Variants in RARB observed in about 807,000 individuals in gnomAD.
RARB encodes HBV-activated protein.
In RARB, 17 loss-of-function variants were observed where a neutral mutation model predicts 51.9. The observed-to-expected ratio is 0.33, with a 90% confidence interval of 0.22 to 0.49. RARB has a LOEUF of 0.49. RARB is among the 20% of genes least tolerant of loss of function. The pLI is 0.99. For synonymous variants in RARB, 215 were observed against 195.4 expected, an observed-to-expected ratio of 1.10 and a Z score of -0.84; for missense variants, 369 against 550.8, an observed-to-expected ratio of 0.67 and a Z score of 3.30.
At chr3:25,447,861 G>A (rs1709016545) in intron 1 of RARB, among the ~76,000 whole-genome samples, 1 of 152,036 alleles carries the variant, frequency 6.6e-6, no homozygotes. Context: ...TTTTGAGAGG[G>A]AAAATGGAAG....
chr3:25,153,135 A>AGT (rs59786696), intron 4 of RARB, among the ~76,000 whole-genome samples: 1,937 of 149,370 alleles, frequency 0.013, 21 homozygotes, highest in African/African-American at 0.039. Context: ...ATAGAGGCAG[A>AGT]GTGTGTGTGT....
intron 5 of RARB, among the ~76,000 whole-genome samples, chr3:25,282,268 C>T (rs774078987): frequency 2.6e-5 from 4 of 152,200 alleles, no homozygotes; most frequent in Admixed American, 2.6e-4. Context: ...TCCCCAGTCA[C>T]ACTCCCAGTG....
At chr3:24,958,899 G>C (rs1044845038) in intron 2 of RARB, among the ~76,000 whole-genome samples, 3 of 152,174 alleles carry the variant, frequency 2.0e-5, no homozygotes, top group East Asian at 3.9e-4. Context: ...CCTCATGACA[G>C]GAGTGCCTTG....
intron 2 of RARB, among the ~76,000 whole-genome samples, chr3:24,971,908 C>A (rs1438656972): frequency 1.3e-5 from 2 of 151,916 alleles, no homozygotes; most frequent in Non-Finnish European, 2.9e-5. Flanking sequence ...AATGGATGTA[C>A]ATATTTTTGG....
At chr3:24,874,565 G>T (rs555690630) in intron 2 of RARB, among the ~76,000 whole-genome samples, 2 of 152,034 alleles carry the variant, frequency 1.3e-5, no homozygotes, top group East Asian at 1.9e-4. Context: ...TCTCTGTATT[G>T]CTAGTCATGC....
chr3:24,944,905 T>G (rs2125402226), intron 2 of RARB, among the ~76,000 whole-genome samples: 1 of 152,148 alleles, frequency 6.6e-6, no homozygotes, highest in Non-Finnish European at 1.5e-5. Flanking sequence ...CCATTGAAGG[T>G]TCAGTAACAT....
intron 3 of RARB, among the ~76,000 whole-genome samples, chr3:25,090,983 T>C (rs1699187987): frequency 6.6e-6 from 1 of 152,122 alleles, no homozygotes. Flanking sequence ...AAAGCTGAAG[T>C]AGGTTAAAGG....
chr3:25,130,524 T>C (rs1285804646), intron 3 of RARB, among the ~76,000 whole-genome samples: 3 of 151,974 alleles, frequency 2.0e-5, no homozygotes, highest in African/African-American at 7.2e-5. Context: ...TGGACCACCT[T>C]GTATTTACTC....
At chr3:25,255,755 C>T (rs1214382484) in intron 5 of RARB, among the ~76,000 whole-genome samples, 1 of 152,100 alleles carries the variant, frequency 6.6e-6, no homozygotes, top group African/African-American at 2.4e-5. Flanking sequence ...CCAAAGACAA[C>T]TGGAACCTCT....
chr3:24,955,303 C>T (rs1020329350), intron 2 of RARB, among the ~76,000 whole-genome samples: 16 of 152,274 alleles, frequency 1.1e-4, no homozygotes, highest in African/African-American at 3.1e-4. Context: ...TCAGTTGTTT[C>T]TCCTCTTAAC....
intron 2 of RARB, among the ~76,000 whole-genome samples, chr3:24,903,408 G>A (rs184092026): frequency 2.0e-5 from 3 of 151,954 alleles, no homozygotes; most frequent in Non-Finnish European, 2.9e-5. Flanking sequence ...AAGTTTCCCC[G>A]GTGTTTAGAA....
intron 2 of RARB, among the ~76,000 whole-genome samples, chr3:24,975,860 G>T (rs1200242550): frequency 6.6e-6 from 1 of 151,962 alleles, no homozygotes; most frequent in African/African-American, 2.4e-5. Context: ...ATGCTGGTTT[G>T]CTGCACCCAT....
At position 25,092,185 on chromosome 3, in the gene RARB, T is replaced by G. The variant is rs576222543; in HGVS notation, c.-328+32009T>G. ...GAGGCGGTCTTGTCTATTGCTCAGATAAGTTCACAAAATCTTTCCCATCCG... is the reference window on the plus strand; with the variant it reads ...GAGGCGGTCTTGTCTATTGCTCAGAGAAGTTCACAAAATCTTTCCCATCCG... On this transcript the variant is annotated intron_variant, in intron 3 of 11. Coordinates refer to the RARB transcript ENST00000383772. Among the ~76,000 whole-genome samples the G allele has an allele frequency of 2.0e-5, 3 of 152,268 alleles. No individual in the cohort carries two copies. The South Asian group carries it at 6.2e-4, about 32-fold the overall frequency.
intron 2 of RARB, among the ~76,000 whole-genome samples, chr3:25,488,666 G>A (rs1477390607): frequency 2.0e-5 from 3 of 152,208 alleles, no homozygotes; most frequent in African/African-American, 7.2e-5. Flanking sequence ...GGCCAGATGG[G>A]AAGTAGCCAC....
chr3:25,501,427 G>GC, intron 3 of RARB, 104 bp downstream of exon 3: 2 of 1,415,574 alleles, frequency 1.4e-6, no homozygotes, highest in Non-Finnish European at 1.9e-6. Context: ...ACGAAATCTT[G>GC]CCAAGGGTAG....
At chr3:25,538,019 T>C (rs573797954) in intron 3 of RARB, among the ~76,000 whole-genome samples, 1 of 152,346 alleles carries the variant, frequency 6.6e-6, no homozygotes, top group Admixed American at 6.5e-5. Context: ...CAGGATATTA[T>C]CTCTGGAAGT....
At chr3:25,289,370 G>C (rs1286605278) in intron 5 of RARB, among the ~76,000 whole-genome samples, 1 of 152,186 alleles carries the variant, frequency 6.6e-6, no homozygotes, top group Non-Finnish European at 1.5e-5. Context: ...AAGAGACAGA[G>C]TATCCTTTTT....
At chr3:25,010,411 TTAAAA>T (rs1697369307) in intron 2 of RARB, among the ~76,000 whole-genome samples, 1 of 152,152 alleles carries the variant, frequency 6.6e-6, no homozygotes, top group African/African-American at 2.4e-5. Context: ...TGTGTAATAA[TTAAAA>T]TGATCCTAAT....
intron 4 of RARB, among the ~76,000 whole-genome samples, chr3:25,160,140 T>C (rs1033552638): frequency 4.6e-5 from 7 of 152,236 alleles, no homozygotes; most frequent in African/African-American, 1.7e-4. Flanking sequence ...TCATATCTAT[T>C]TGAAATAGAT....
Sources: allele counts gnomAD v4.1 joint callset (sites outside exome capture counted in the v4.1 genomes callset), GRCh38; gene constraint gnomAD v4.1.1; transcripts MANE v1.5; gene names NCBI Gene and HGNC (gene_info 2026-07-23, HGNC 2026-07-21).